MSH3: variants seen among roughly 807,000 people sequenced by gnomAD.
The protein encoded by MSH3 is mutS homolog 3.
Under a neutral mutation model 123.3 loss-of-function variants are expected in MSH3, and 106 were observed. That is an observed-to-expected ratio of 0.86 (90% CI 0.73 to 1.01). The LOEUF is 1.01. Ranked by LOEUF, MSH3 falls within the 50% of genes least tolerant of loss-of-function variation. MSH3 has a pLI of 0.00. For synonymous variants in MSH3, 515 were observed against 481.4 expected (o/e 1.07, Z -0.91); for missense variants, 1,459 against 1,347.6 (o/e 1.08, Z -1.29).
Position 80,760,023 on chromosome 5 carries a change from C to T in MSH3, c.1764-1523C>T, listed in dbSNP as rs188229418. Among the ~76,000 whole-genome samples the T allele has an allele frequency of 1.2e-3, 182 of 152,272 alleles. 1 individual carries two copies. The highest frequency in any genetic ancestry group is 2.1e-3 in the Non-Finnish European group (140 of 68,010). Reference sequence around the variant, plus strand: ...CACAGGTAGTTAAGGATAATAAAGACAAAAGCACTCACTAAATCGAAAGTC... The same window carrying T: ...CACAGGTAGTTAAGGATAATAAAGATAAAAGCACTCACTAAATCGAAAGTC... On this transcript the variant is annotated intron_variant, in intron 12 of 23. Coordinates refer to ENST00000265081, the MANE Select transcript of MSH3 (RefSeq NM_002439.5).
chr5:80,791,007 AT>A (rs771378966), intron 18 of MSH3, among the ~76,000 whole-genome samples: 18 of 152,218 alleles, frequency 1.2e-4, no homozygotes, highest in Non-Finnish European at 2.2e-4. Flanking sequence ...GAACTCTGTT[AT>A]TCTCGTCCAG....
rs1222777213 is a variant in MSH3 at position 80,851,340 on chromosome 5, T to A, written c.2814-2790T>A. 2.6e-5 allele frequency among the ~76,000 whole-genome samples: 4 copies of A among 152,306 alleles called. No homozygotes were observed. The South Asian group carries it at 8.3e-4, about 32-fold the overall frequency. The stretch of plus-strand genomic sequence containing the variant: ...CCTTTCCCCGCAGCACTCTTGATAA[T>A]GGCAGATCATGTTCTTTTTAATCTC... On this transcript the variant is annotated intron_variant, in intron 20 of 23. Transcript: ENST00000265081.
At chr5:80,764,647 GC>G (rs1465689213) in intron 13 of MSH3, among the ~76,000 whole-genome samples, 1 of 151,918 alleles carries the variant, frequency 6.6e-6, no homozygotes, top group Non-Finnish European at 1.5e-5. Flanking sequence ...ACGGGTGTGA[GC>G]CACTGTGCTT....
intron 10 of MSH3, among the ~76,000 whole-genome samples, chr5:80,729,430 A>AAAATGTG (rs1491210653): frequency 6.4e-5 from 5 of 78,372 alleles, no homozygotes; most frequent in Non-Finnish European, 1.2e-4. Flanking sequence ...AAAAAAAAAA[A>AAAATGTG]TGTGTGTGTG....
In MSH3 at chr5:80,767,946, A is replaced by C. The variant is rs376488647; in HGVS notation, c.1910A>C (p.Glu637Ala). The C allele has an allele frequency of 8.3e-5, 133 of 1,609,760 alleles. No homozygotes were observed. The highest frequency in any genetic ancestry group is 1.1e-4 in the Non-Finnish European group (127 of 1,176,308). Residue 637 changes from glutamate to alanine, a missense_variant, in exon 14 of 24, where the codon GAG (glutamate) becomes GCG (alanine). Glu to Ala is a moderately radical substitution (Grantham distance 107). Coordinates refer to ENST00000265081, the MANE Select transcript of MSH3 (RefSeq NM_002439.5). ...SIYHKKCSTQ[E>A]FFLIVKTLYH... ...TTCTATTTTCAGTGTTCTACCCAAG[A>C]GTTCTTCTTGATTGTCAAAACTTTA...
Position 80,841,286 on chromosome 5 carries a change from T to C in MSH3, c.2814-12844T>C, listed in dbSNP as rs151013815. Among the ~76,000 whole-genome samples the C allele has an allele frequency of 6.3e-3, 953 of 152,362 alleles. 6 individuals are homozygous for C. Among genetic ancestry groups the C allele is most frequent in the African/African-American group, 0.022 (919 of 41,570 alleles). On this transcript the variant is annotated intron_variant, in intron 20 of 23. Transcript: ENST00000265081. ...TCCATGGTGTATATGTGCCATATTT[T>C]CTTAATCCAGTCTATCATTGATGGA... is the stretch of plus-strand genomic sequence containing the variant.
chr5:80,665,173 T>G lies in MSH3; in HGVS notation c.389T>G (p.Val130Gly), dbSNP rs2112808721. The G allele has an allele frequency of 6.2e-7, 1 of 1,614,110 alleles. No homozygotes were observed. Among genetic ancestry groups the G allele is most frequent in the Non-Finnish European group, 8.5e-7 (1 of 1,179,974 alleles). The change falls in exon 3 of 24, where the codon GTT becomes GGT. Residue 130 changes from valine to glycine, a missense_variant. Transcript: ENST00000265081. ...EPKKCLRTRN[V>G]SKSLEKLKEF... Reference sequence around the variant, plus strand: ...AAGAAATGTCTGAGGACCAGGAATGTTTCAAAGTCTCTGGAAAAATTGAAA... The same window carrying G: ...AAGAAATGTCTGAGGACCAGGAATGGTTCAAAGTCTCTGGAAAAATTGAAA...
chr5:80,791,007 A>T lies in MSH3; in HGVS notation c.2544-1726A>T, dbSNP rs111779828. 3.5e-3 allele frequency among the ~76,000 whole-genome samples: 539 copies of T among 152,336 alleles called. 2 individuals are homozygous for T. Among genetic ancestry groups the T allele is most frequent in the African/African-American group, 0.012 (517 of 41,592 alleles). ...TTGTAAGGGCAAAATGAACTCTGTT[A>T]TTCTCGTCCAGTTAGTCATTCAATA... On this transcript the variant is annotated intron_variant, in intron 18 of 23. Transcript: ENST00000265081.
At chr5:80,660,040 A>G (rs1227992134) in intron 2 of MSH3, among the ~76,000 whole-genome samples, 1 of 152,174 alleles carries the variant, frequency 6.6e-6, no homozygotes, top group Non-Finnish European at 1.5e-5. Context: ...TTGAAAACCA[A>G]GGGAATAATA....
chr5:80,766,598 C>T (rs1451038349), intron 13 of MSH3, among the ~76,000 whole-genome samples: 2 of 152,084 alleles, frequency 1.3e-5, no homozygotes, highest in African/African-American at 4.8e-5. Flanking sequence ...CCGCCTCAGC[C>T]TCCCAAAGTG....
chr5:80,684,830 TG>T (rs1432397489), intron 8 of MSH3, among the ~76,000 whole-genome samples: 3 of 152,164 alleles, frequency 2.0e-5, no homozygotes, highest in African/African-American at 7.2e-5. Context: ...TGTTGAGGTA[TG>T]TTCCTTCTAT....
At chr5:80,741,245 T>G (rs1743608590) in intron 10 of MSH3, among the ~76,000 whole-genome samples, 1 of 152,102 alleles carries the variant, frequency 6.6e-6, no homozygotes. Flanking sequence ...TTTTTTTTTG[T>G]TAGAGTAACT....
At chr5:80,799,504 T>C (rs1273294666) in intron 19 of MSH3, among the ~76,000 whole-genome samples, 3 of 75,400 alleles carry the variant, frequency 4.0e-5, no homozygotes, top group African/African-American at 1.3e-4. Flanking sequence ...ATAGCACTTT[T>C]TTTTTTTTTT....
intron 20 of MSH3, among the ~76,000 whole-genome samples, chr5:80,849,929 CAA>C (rs1371812792): frequency 2.0e-5 from 3 of 152,100 alleles, no homozygotes; most frequent in African/African-American, 7.2e-5. Context: ...GCAAATTTTC[CAA>C]ACTTTTATAC....
intron 20 of MSH3, among the ~76,000 whole-genome samples, chr5:80,828,215 G>A (rs1010285739): frequency 3.3e-5 from 5 of 152,174 alleles, no homozygotes; most frequent in African/African-American, 9.6e-5. Context: ...ATGGCAGAAG[G>A]CATCACATGG....
intron 8 of MSH3, among the ~76,000 whole-genome samples, chr5:80,706,383 T>A (rs1750724048): frequency 1.3e-5 from 2 of 152,242 alleles, no homozygotes; most frequent in African/African-American, 4.8e-5. Context: ...GAATTTCCAC[T>A]GATTTGAAAA....
intron 8 of MSH3, among the ~76,000 whole-genome samples, chr5:80,692,023 AG>A (rs2112829375): frequency 1.0e-5 from 1 of 98,494 alleles, no homozygotes; most frequent in African/African-American, 3.3e-5. Flanking sequence ...ATGTTTAGAT[AG>A]ATAAACAGTA....
At chr5:80,817,894 T>C (rs1297939311) in intron 20 of MSH3, among the ~76,000 whole-genome samples, 1 of 152,126 alleles carries the variant, frequency 6.6e-6, no homozygotes, top group African/African-American at 2.4e-5. Flanking sequence ...TGACAACTTA[T>C]GATGTCTTCT....
chr5:80,774,822 A>T (rs913094609), intron 15 of MSH3, among the ~76,000 whole-genome samples: 1 of 152,166 alleles, frequency 6.6e-6, no homozygotes, highest in African/African-American at 2.4e-5. Flanking sequence ...TGGTAGTGGT[A>T]GTGGGGGTGG....
Sources: gnomAD v4.1 joint callset for allele counts (sites outside exome capture counted in the v4.1 genomes callset) on GRCh38, gnomAD v4.1.1 for gene constraint, MANE v1.5 for transcripts, NCBI Gene and HGNC (gene_info 2026-07-23, HGNC 2026-07-21) for gene names.